Variants in CYRIA observed in about 807,000 individuals in gnomAD.
CYRIA encodes the protein CYFIP related Rac1 interactor A, also known as CYFIP-related Rac1 interactor A.
In CYRIA, 15 loss-of-function variants were observed where a neutral mutation model predicts 43.9. The observed-to-expected ratio is 0.34, with a 90% CI of 0.23 to 0.53. The LOEUF (loss-of-function observed/expected upper bound fraction) is 0.53. Among genes scored for constraint, CYRIA ranks in the 20% least tolerant of loss-of-function variants. The pLI, the probability that CYRIA is intolerant of heterozygous loss-of-function variation, is 0.94. For synonymous variants in CYRIA, 117 were observed against 136.0 expected (o/e 0.86, Z 0.97); for missense variants, 236 against 394.2 (o/e 0.60, Z 3.40).
rs544439341 is a variant in CYRIA, at chr2:16,633,378, A to G, written c.-166-9359T>C. 2.1e-3 allele frequency among the ~76,000 whole-genome samples: 317 copies of G among 151,736 alleles called. 3 individuals are homozygous for G. The highest frequency in any genetic ancestry group is 3.7e-3 in the Non-Finnish European group (253 of 68,010). On this transcript the variant is annotated intron_variant, in intron 1 of 11. Coordinates refer to ENST00000381323, the MANE Select transcript of CYRIA (RefSeq NM_030797.4). ...GAACTTTCTGTCTGTGCCACTCAGC[A>G]TTTAGTGCCTATGAGTTGTCTCATG...
At chr2:16,611,777 G>C (rs767924745) in intron 2 of CYRIA, among the ~76,000 whole-genome samples, 33 of 151,972 alleles carry the variant, frequency 2.2e-4, no homozygotes, top group Admixed American at 4.6e-4. Context: ...GGGCGGAGGT[G>C]GGGGGGTGGT....
chr2:16,637,538 G>A (rs1010042010), intron 1 of CYRIA, among the ~76,000 whole-genome samples: 2 of 152,224 alleles, frequency 1.3e-5, no homozygotes, highest in Non-Finnish European at 2.9e-5. Flanking sequence ...ACAGCCTCCA[G>A]AACCGTGAGA....
At chr2:16,655,987 C>A (rs755845320) in intron 1 of CYRIA, among the ~76,000 whole-genome samples, 1 of 152,022 alleles carries the variant, frequency 6.6e-6, no homozygotes, top group African/African-American at 2.4e-5. Context: ...TGGTGGTTAC[C>A]GGTCCTTGAA....
At chr2:16,564,354 A>T (rs957437172) in intron 4 of CYRIA, among the ~76,000 whole-genome samples, 1 of 152,166 alleles carries the variant, frequency 6.6e-6, no homozygotes, top group Non-Finnish European at 1.5e-5. Context: ...CAAAAAATTC[A>T]CATCTAAATT....
At position 16,550,004 on chromosome 2, in the gene CYRIA, T is replaced by C. The variant is rs1297814335; in HGVS notation, c.*2932A>G. On this transcript the variant is annotated 3_prime_UTR_variant, in exon 12 of 12. Coordinates refer to ENST00000381323, the MANE Select transcript of CYRIA (RefSeq NM_030797.4). ...TTCCAGTTGTTTTTTTTTTTTGTTA[T>C]TGTTTTTTTTTTTCTACTACTAATT... 4 of 151,052 alleles carry C rather than the reference T, an allele frequency of 2.6e-5. No homozygotes were observed. The highest frequency in any genetic ancestry group is 1.9e-4 in the East Asian group (1 of 5,162). The allele number at this position is 151,052 out of a possible 1,614,324, so 9.4% of individuals were successfully genotyped here.
intron 3 of CYRIA, among the ~76,000 whole-genome samples, chr2:16,573,250 G>A (rs1333729712): frequency 1.3e-5 from 2 of 152,212 alleles, no homozygotes; most frequent in East Asian, 3.8e-4. Flanking sequence ...CTTCAGGGAT[G>A]TGTACAACAA....
Position 16,552,303 on chromosome 2 carries a change from CAGG to C in CYRIA, c.*630_*632del, listed in dbSNP as rs76649769. ...GCTCTCCCACTAACTGAAAAAAATA[CAGG>C]AGATTTTTTTTTCATGTGAAATTAA... On this transcript the variant is annotated 3_prime_UTR_variant, in exon 12 of 12. Coordinates refer to ENST00000381323, the MANE Select transcript of CYRIA (RefSeq NM_030797.4). The C allele has an allele frequency of 0.08, 12,115 of 151,934 alleles. 1,442 individuals carry two copies. The highest frequency in any genetic ancestry group is 0.63 in the East Asian group (3,208 of 5,092). The allele number at this position is 151,934 out of a possible 1,614,324, so 9.4% of individuals were successfully genotyped here.
At chr2:16,584,647 C>G (rs547740365) in intron 3 of CYRIA, among the ~76,000 whole-genome samples, 129 of 152,316 alleles carry the variant, frequency 8.5e-4, no homozygotes, top group Non-Finnish European at 1.4e-3. Flanking sequence ...CCCAAGCCAG[C>G]CTTCCATTTC....
rs779575597 is a variant in CYRIA, at chr2:16,561,997, G to T, written c.435+8C>A. The T allele has an allele frequency of 6.2e-7, 1 of 1,610,238 alleles. No homozygotes were observed. Among genetic ancestry groups the T allele is most frequent in the Non-Finnish European group, 8.5e-7 (1 of 1,178,142 alleles). ...TTTATTAAATTTTCACAGCACATTT[G>T]GCCTAACCTTCAGCTCATCGAATCG... is the stretch of plus-strand genomic sequence containing the variant. On this transcript the variant is annotated splice_region_variant and intron_variant, in intron 6 of 11. Transcript: ENST00000381323.
At chr2:16,607,948 G>C (rs1374930388) in intron 2 of CYRIA, among the ~76,000 whole-genome samples, 1 of 152,160 alleles carries the variant, frequency 6.6e-6, no homozygotes, top group East Asian at 1.9e-4. Context: ...AACGCCTAAA[G>C]ACGGCCTATC....
At chr2:16,593,194 GTC>G (rs1472158383) in intron 2 of CYRIA, among the ~76,000 whole-genome samples, 1 of 152,034 alleles carries the variant, frequency 6.6e-6, no homozygotes, top group Non-Finnish European at 1.5e-5. Context: ...ATGGATTAAT[GTC>G]CCCAGCATCA....
At chr2:16,665,344 C>T (rs1371695902) in intron 1 of CYRIA, among the ~76,000 whole-genome samples, 2 of 151,890 alleles carry the variant, frequency 1.3e-5, no homozygotes, top group African/African-American at 4.8e-5. Flanking sequence ...TGTGCAGGGG[C>T]TGGGGAGGGG....
At chr2:16,618,490 G>A (rs1473767207) in intron 2 of CYRIA, among the ~76,000 whole-genome samples, 3 of 152,112 alleles carry the variant, frequency 2.0e-5, no homozygotes, top group Non-Finnish European at 2.9e-5. Context: ...AGAACAAATA[G>A]GGCCCCTAAG....
chr2:16,610,936 A>ATATATATATATATC (rs1213859384), intron 2 of CYRIA, among the ~76,000 whole-genome samples: 1 of 127,938 alleles, frequency 7.8e-6, no homozygotes, highest in African/African-American at 3.1e-5. Flanking sequence ...ATATATATAT[A>ATATATATATATATC]TCCTGTATAT....
At chr2:16,621,058 G>C (rs1361435770) in intron 2 of CYRIA, among the ~76,000 whole-genome samples, 2 of 152,190 alleles carry the variant, frequency 1.3e-5, no homozygotes, top group Non-Finnish European at 2.9e-5. Flanking sequence ...CTAGCCATTA[G>C]TGCGTCTCCT....
chr2:16,648,961 T>C (rs1558442059), intron 1 of CYRIA, among the ~76,000 whole-genome samples: 1 of 152,234 alleles, frequency 6.6e-6, no homozygotes. Flanking sequence ...TACAATGTAC[T>C]TGTTACACTG....
At chr2:16,602,965 A>C (rs985866941) in intron 2 of CYRIA, among the ~76,000 whole-genome samples, 1 of 151,974 alleles carries the variant, frequency 6.6e-6, no homozygotes, top group Non-Finnish European at 1.5e-5. Context: ...GCTTGCCAGT[A>C]TCCTGCAAAT....
intron 6 of CYRIA, 56 bp from the exon 7 acceptor site, chr2:16,561,589 G>T: frequency 1.5e-6 from 2 of 1,311,658 alleles, no homozygotes; most frequent in South Asian, 1.2e-5. Flanking sequence ...TGGGGTATAT[G>T]CATTAGGAGG....
intron 1 of CYRIA, among the ~76,000 whole-genome samples, chr2:16,627,410 A>C (rs2103516086): frequency 6.6e-6 from 1 of 152,346 alleles, no homozygotes; most frequent in Admixed American, 6.5e-5. Flanking sequence ...GTGTTTGGAT[A>C]ATAAAAATAG....
Sources: allele counts gnomAD v4.1 joint callset (sites outside exome capture counted in the v4.1 genomes callset), GRCh38; gene constraint gnomAD v4.1.1; transcripts MANE v1.5; gene names NCBI Gene and HGNC (gene_info 2026-07-23, HGNC 2026-07-21).